Variants in ADCY2 observed in about 807,000 individuals in gnomAD.
ADCY2 encodes adenylate cyclase type 2.
A neutral mutation model predicts 125.2 loss-of-function variants in ADCY2; 31 were observed. That is an observed-to-expected ratio of 0.25 (90% confidence interval 0.19 to 0.33). The LOEUF (loss-of-function observed/expected upper bound fraction) is 0.33. Ranked by LOEUF, ADCY2 falls within the 10% of genes least tolerant of loss-of-function variation. ADCY2 has a pLI of 1.00. For missense variants in ADCY2, 904 were observed against 1,418.2 expected, an observed-to-expected ratio of 0.64 and a Z score of 5.82; for synonymous variants, 512 against 548.4, an observed-to-expected ratio of 0.93 and a Z score of 0.93.
intron 13 of ADCY2, among the ~76,000 whole-genome samples, chr5:7,724,838 T>C (rs188139627): frequency 5.5e-4 from 83 of 152,288 alleles, no homozygotes; most frequent in African/African-American, 1.9e-3. Context: ...ACCCTCTCGA[T>C]AGTAAATGGT....
At chr5:7,447,533 C>A (rs56018738) in intron 2 of ADCY2, among the ~76,000 whole-genome samples, 24,534 of 152,132 alleles carry the variant, frequency 0.16, 2,322 homozygotes, top group East Asian at 0.41. Context: ...CTCCACACCT[C>A]CCCCTACCTC....
At chr5:7,810,424 G>A (rs143455097) in intron 22 of ADCY2, among the ~76,000 whole-genome samples, 37 of 151,132 alleles carry the variant, frequency 2.4e-4, no homozygotes, top group African/African-American at 8.8e-4. Flanking sequence ...TGGATTATCT[G>A]CCTGATGGGT....
chr5:7,719,550 A>C (rs1340542100), intron 12 of ADCY2, among the ~76,000 whole-genome samples: 1 of 152,230 alleles, frequency 6.6e-6, no homozygotes. Context: ...GCCATAAAAC[A>C]GTGATTTCTG....
At chr5:7,675,923 T>G (rs1191896644) in intron 4 of ADCY2, among the ~76,000 whole-genome samples, 1 of 152,190 alleles carries the variant, frequency 6.6e-6, no homozygotes, top group Non-Finnish European at 1.5e-5. Flanking sequence ...GACTAGCGAG[T>G]GTATAGTTTT....
At chr5:7,417,697 A>G (rs1481083738) in intron 2 of ADCY2, among the ~76,000 whole-genome samples, 1 of 152,244 alleles carries the variant, frequency 6.6e-6, no homozygotes, top group Non-Finnish European at 1.5e-5. Context: ...CTGTCACTTC[A>G]TAAGGCAACA....
In ADCY2 at chr5:7,419,570, A is replaced by G. The variant is rs923520504; in HGVS notation, c.408+4800A>G. Among the ~76,000 whole-genome samples the G allele has an allele frequency of 3.3e-5, 5 of 152,230 alleles. No individual in the cohort carries two copies. In the East Asian group the frequency reaches 9.7e-4, roughly 29 times the overall value. On this transcript the variant is annotated intron_variant, in intron 2 of 24. Coordinates refer to ENST00000338316, the MANE Select transcript of ADCY2 (RefSeq NM_020546.3). ...CCAGCCTTCCGAAGGTGAGGCTGACACTTTTATTCTCCAGTCCCTCTGGAG... is the reference window on the plus strand; with the variant it reads ...CCAGCCTTCCGAAGGTGAGGCTGACGCTTTTATTCTCCAGTCCCTCTGGAG...
intron 17 of ADCY2, among the ~76,000 whole-genome samples, chr5:7,771,595 GC>G (rs997570733): frequency 3.3e-5 from 5 of 152,106 alleles, no homozygotes; most frequent in Non-Finnish European, 7.3e-5. Flanking sequence ...ACTCAAGCAT[GC>G]CCCTTACAAA....
chr5:7,677,632 A>G (rs1740177419), intron 4 of ADCY2, among the ~76,000 whole-genome samples: 1 of 152,164 alleles, frequency 6.6e-6, no homozygotes, highest in Non-Finnish European at 1.5e-5. Flanking sequence ...GCCAGCAGCA[A>G]TGGCCAGAAA....
chr5:7,602,352 G>A (rs577322884), intron 3 of ADCY2, among the ~76,000 whole-genome samples: 3 of 152,234 alleles, frequency 2.0e-5, no homozygotes, highest in East Asian at 3.9e-4. Flanking sequence ...GCTCCCTGAG[G>A]GAAAGAATGT....
intron 14 of ADCY2, among the ~76,000 whole-genome samples, chr5:7,735,989 A>G (rs1265859179): frequency 6.6e-6 from 1 of 152,158 alleles, no homozygotes; most frequent in African/African-American, 2.4e-5. Flanking sequence ...CTTGAGCTCA[A>G]GAGTTTGAGA....
chr5:7,764,991 T>A (rs910316993), intron 16 of ADCY2, among the ~76,000 whole-genome samples: 3 of 152,188 alleles, frequency 2.0e-5, no homozygotes, highest in African/African-American at 7.2e-5. Flanking sequence ...TAGAAAGACA[T>A]AGCAGAAGTG....
intron 3 of ADCY2, among the ~76,000 whole-genome samples, chr5:7,600,681 G>A (rs1317260483): frequency 6.6e-6 from 1 of 152,196 alleles, no homozygotes; most frequent in Non-Finnish European, 1.5e-5. Context: ...GAATGGATAA[G>A]ATAATGGCAT....
chr5:7,574,639 T>C (rs1323230105), intron 3 of ADCY2, among the ~76,000 whole-genome samples: 2 of 152,196 alleles, frequency 1.3e-5, no homozygotes, highest in Non-Finnish European at 2.9e-5. Flanking sequence ...CTAAAGTTGA[T>C]GAGACCCATA....
At chr5:7,633,590 A>C (rs929972122) in intron 4 of ADCY2, among the ~76,000 whole-genome samples, 2 of 152,248 alleles carry the variant, frequency 1.3e-5, no homozygotes. Context: ...GCCAAATGAT[A>C]AAATTAAACC....
intron 2 of ADCY2, among the ~76,000 whole-genome samples, chr5:7,488,149 C>A (rs1743012862): frequency 1.3e-5 from 2 of 152,246 alleles, no homozygotes; most frequent in South Asian, 4.1e-4. Context: ...AGATGACTGA[C>A]TCATGGGGGC....
chr5:7,452,701 A>G (rs1741519236), intron 2 of ADCY2, among the ~76,000 whole-genome samples: 1 of 152,140 alleles, frequency 6.6e-6, no homozygotes, highest in Admixed American at 6.5e-5. Flanking sequence ...GGTTGTACTG[A>G]TTTATATTCC....
At chr5:7,438,987 C>T (rs1384797028) in intron 2 of ADCY2, among the ~76,000 whole-genome samples, 3 of 152,166 alleles carry the variant, frequency 2.0e-5, no homozygotes, top group African/African-American at 7.2e-5. Flanking sequence ...GTCCTCATTT[C>T]CTGTCTTTTC....
chr5:7,432,034 G>A (rs967130673), intron 2 of ADCY2, among the ~76,000 whole-genome samples: 3 of 152,098 alleles, frequency 2.0e-5, no homozygotes, highest in Admixed American at 6.5e-5. Context: ...TACTGGCAGA[G>A]AGAAGAGAAG....
intron 3 of ADCY2, among the ~76,000 whole-genome samples, chr5:7,537,796 T>C (rs1246093274): frequency 3.3e-5 from 5 of 152,238 alleles, no homozygotes; most frequent in African/African-American, 4.8e-5. Context: ...CTCCACAGCC[T>C]GGCCCCTCCC....
Sources: gnomAD v4.1 joint callset for allele counts (sites outside exome capture counted in the v4.1 genomes callset) on GRCh38, gnomAD v4.1.1 for gene constraint, MANE v1.5 for transcripts, NCBI Gene and HGNC (gene_info 2026-07-23, HGNC 2026-07-21) for gene names.